The following NDST4 variants were observed in gnomAD, a reference collection of about 807,000 sequenced individuals.
The protein encoded by NDST4 is N-deacetylase and N-sulfotransferase 4.
Under a neutral mutation model 100.8 loss-of-function variants are expected in NDST4, and 63 were observed. The ratio of observed to expected loss-of-function variants is 0.62; its 90% CI spans 0.51 to 0.77. The LOEUF (loss-of-function observed/expected upper bound fraction) is 0.77, where lower values mean the gene tolerates loss of function less well. Among genes scored for constraint, NDST4 ranks in the 30% least tolerant of loss-of-function variants. The pLI is 0.00. For missense variants in NDST4, 943 were observed against 1,018.4 expected (o/e 0.93, Z 1.01); for synonymous variants, 377 against 361.8 (o/e 1.04, Z -0.48).
chr4:114,986,832 A>ATATATATATATATATATATATATTTTTT, intron 2 of NDST4, among the ~76,000 whole-genome samples: 14 of 94,644 alleles, frequency 1.5e-4, no homozygotes, highest in South Asian at 4.3e-4. Flanking sequence ...ATATATATAT[A>ATATATATATATATATATATATATTTTTT]TTTTAATATA....
chr4:115,055,571 T>C (rs1560582709), intron 2 of NDST4, among the ~76,000 whole-genome samples: 1 of 152,194 alleles, frequency 6.6e-6, no homozygotes, highest in Non-Finnish European at 1.5e-5. Flanking sequence ...TTAACCTGAG[T>C]TCAAGTTGTC....
chr4:114,970,118 G>T (rs1726476497), intron 4 of NDST4, among the ~76,000 whole-genome samples: 1 of 149,960 alleles, frequency 6.7e-6, no homozygotes, highest in Non-Finnish European at 1.5e-5. Context: ...CACCAAGAAT[G>T]AAAGTTGTAC....
Position 115,076,807 on chromosome 4 carries a change from T to C in NDST4, c.230A>G (p.Asp77Gly), listed in dbSNP as rs1007905424. 22 of 1,613,668 alleles carry C rather than the reference T, an allele frequency of 1.4e-5. 1 individual carries two copies. In the Admixed American group the frequency reaches 1.8e-4, roughly 13 times the overall value. ...CTCCACGAAGAGAAGGACAGTAGGG[T>C]CCGTTTTGGATGTGTCAATAGGTTT... Reference protein sequence around the residue: ...TVKPIDTSKTDPTVLLFVESQ... With the variant: ...TVKPIDTSKTGPTVLLFVESQ... Residue 77 changes from aspartate (D) to glycine (G), a missense_variant, in exon 2 of 14, where the codon GAC becomes GGC. This residue lies in a region of NDST4 where 417 missense variants were observed against 384.2 expected (regional missense o/e 1.09). Transcript: ENST00000264363.
chr4:114,874,560 G>A (rs1333077803), intron 6 of NDST4, among the ~76,000 whole-genome samples: 1 of 152,156 alleles, frequency 6.6e-6, no homozygotes, highest in Admixed American at 6.6e-5. Context: ...ATGGTCAATT[G>A]GTTGCACTTT....
intron 1 of NDST4, among the ~76,000 whole-genome samples, chr4:115,081,642 G>A (rs965182588): frequency 1.3e-4 from 20 of 152,220 alleles, no homozygotes; most frequent in Middle Eastern, 3.4e-3. Context: ...GGATAATAAC[G>A]AAGACATTAA....
Position 114,986,793 on chromosome 4 carries a change from C to CATACAT in NDST4, c.979-9520_979-9519insATGTAT, listed in dbSNP as rs1553959380. Reference sequence around the variant, plus strand: ...CCTCTAAGCCTGGTATCCAATTATACATATATATATATATATATATATATA... The same window carrying CATACAT: ...CCTCTAAGCCTGGTATCCAATTATACATACATATATATATATATATATATATATATA... On this transcript the variant is annotated intron_variant, in intron 2 of 13. Transcript: ENST00000264363. Among the ~76,000 whole-genome samples the CATACAT allele has an allele frequency of 1.3e-3, 116 of 91,132 alleles. 1 individual carries two copies. The highest frequency in any genetic ancestry group is 5.0e-3 in the African/African-American group (111 of 22,106). 59.8% of individuals were successfully genotyped at this position (91,132 alleles called of 152,430 possible). A position where few individuals can be genotyped will look rare whatever the true frequency, so the allele number is the denominator to read the frequency against.
intron 6 of NDST4, among the ~76,000 whole-genome samples, chr4:114,894,335 T>C (rs1025673364): frequency 6.6e-6 from 1 of 152,218 alleles, no homozygotes; most frequent in African/African-American, 2.4e-5. Context: ...TTGGGCAGTT[T>C]GGCCATTTTC....
chr4:114,963,006 A>C (rs1260112041), intron 4 of NDST4, among the ~76,000 whole-genome samples: 2 of 152,164 alleles, frequency 1.3e-5, no homozygotes, highest in Non-Finnish European at 2.9e-5. Context: ...ATGGCTATTC[A>C]TCAAAATGTT....
At chr4:114,929,409 A>G (rs1725465670) in intron 6 of NDST4, among the ~76,000 whole-genome samples, 3 of 152,106 alleles carry the variant, frequency 2.0e-5, no homozygotes, top group Admixed American at 2.0e-4. Context: ...TGCTTGATCT[A>G]TACTTCATAT....
intron 2 of NDST4, among the ~76,000 whole-genome samples, chr4:114,994,769 T>C (rs1727123632): frequency 6.6e-6 from 1 of 152,044 alleles, no homozygotes; most frequent in Non-Finnish European, 1.5e-5. Context: ...AAAAATCTTA[T>C]CCTCTTGGGT....
chr4:115,022,464 C>CATATATATGTGTTCCAT (rs1727875363), intron 2 of NDST4, among the ~76,000 whole-genome samples: 1 of 112,396 alleles, frequency 8.9e-6, no homozygotes, highest in Non-Finnish European at 1.7e-5. Context: ...ATATGTGTTC[C>CATATATATGTGTTCCAT]ATATATATGT....
chr4:115,001,672 A>G (rs949951956), intron 2 of NDST4, among the ~76,000 whole-genome samples: 3 of 152,014 alleles, frequency 2.0e-5, no homozygotes, highest in Non-Finnish European at 2.9e-5. Flanking sequence ...AGAATCCTTC[A>G]GGACTAGAAC....
intron 2 of NDST4, among the ~76,000 whole-genome samples, chr4:115,003,558 T>C (rs531275122): frequency 1.3e-5 from 2 of 152,234 alleles, no homozygotes; most frequent in East Asian, 1.9e-4. Context: ...ATTTAAAGAC[T>C]GTATTCTTTT....
chr4:115,085,466 T>C (rs1459784295), intron 1 of NDST4, among the ~76,000 whole-genome samples: 1 of 152,094 alleles, frequency 6.6e-6, no homozygotes, highest in Non-Finnish European at 1.5e-5. Context: ...GGCTCTGTGT[T>C]CCCACCCAAA....
intron 6 of NDST4, among the ~76,000 whole-genome samples, chr4:114,918,908 T>C (rs1051160942): frequency 6.6e-6 from 1 of 152,242 alleles, no homozygotes; most frequent in African/African-American, 2.4e-5. Flanking sequence ...AGATTGTTTT[T>C]TGTTTCTTGT....
intron 2 of NDST4, among the ~76,000 whole-genome samples, chr4:115,045,403 C>A (rs1167870422): frequency 6.6e-6 from 1 of 152,180 alleles, no homozygotes; most frequent in Non-Finnish European, 1.5e-5. Flanking sequence ...CCCATCCCTG[C>A]TCATTAGACT....
intron 1 of NDST4, among the ~76,000 whole-genome samples, chr4:115,084,774 A>T (rs1486951219): frequency 6.6e-6 from 1 of 152,200 alleles, no homozygotes; most frequent in East Asian, 1.9e-4. Flanking sequence ...CAGAGGATGT[A>T]TGGAAATGTC....
chr4:115,098,821 T>C (rs1729672826), intron 1 of NDST4, among the ~76,000 whole-genome samples: 1 of 152,194 alleles, frequency 6.6e-6, no homozygotes, highest in African/African-American at 2.4e-5. Flanking sequence ...CACCGCAGCC[T>C]TCTGCATAGC....
chr4:114,862,907 G>A (rs1001789973), intron 7 of NDST4, among the ~76,000 whole-genome samples: 1 of 151,878 alleles, frequency 6.6e-6, no homozygotes, highest in Non-Finnish European at 1.5e-5. Flanking sequence ...TATTCCTATC[G>A]GTATGTTCCT....
Sources: allele counts gnomAD v4.1 joint callset (sites outside exome capture counted in the v4.1 genomes callset), GRCh38; gene constraint gnomAD v4.1.1; regional missense constraint gnomAD v4.1.1; transcripts MANE v1.5; gene names NCBI Gene and HGNC (gene_info 2026-07-23, HGNC 2026-07-21).